Variants in CYP2C19 observed in about 807,000 individuals in gnomAD.
CYP2C19 encodes cytochrome P450 family 2 subfamily C member 19.
Under a neutral mutation model 40.9 loss-of-function variants are expected in CYP2C19, and 59 were observed. That is an observed-to-expected ratio of 1.44 (90% CI 1.17 to 1.79). The LOEUF (loss-of-function observed/expected upper bound fraction) is 1.79, where lower values mean the gene tolerates loss of function less well. Ranked by LOEUF, CYP2C19 falls within the 40% of genes most tolerant of loss-of-function variation. The pLI, the probability that CYP2C19 is intolerant of heterozygous loss-of-function variation, is 0.00. For synonymous variants in CYP2C19, 253 were observed against 208.7 expected (o/e 1.21, Z -1.83); for missense variants, 754 against 596.9 (o/e 1.26, Z -2.74).
At chr10:94,832,593 G>T (rs778298262) in intron 6 of CYP2C19, among the ~76,000 whole-genome samples, 10 of 152,088 alleles carry the variant, frequency 6.6e-5, no homozygotes, top group Non-Finnish European at 1.3e-4. Flanking sequence ...ATTGTTTCTG[G>T]ATTCACTATT....
intron 1 of CYP2C19, 139 bp downstream of exon 1, chr10:94,763,012 C>T: frequency 1.1e-6 from 1 of 872,434 alleles, no homozygotes; most frequent in East Asian, 2.6e-5. Context: ...GTTGCCTTTT[C>T]CAGTCTGTCA....
At chr10:94,815,594 T>C (rs1263773917) in intron 5 of CYP2C19, among the ~76,000 whole-genome samples, 2 of 152,248 alleles carry the variant, frequency 1.3e-5, no homozygotes, top group Non-Finnish European at 2.9e-5. Context: ...TTACTCTCTC[T>C]TTTATTCCCT....
At chr10:94,796,225 AGT>A (rs1848684438) in intron 5 of CYP2C19, among the ~76,000 whole-genome samples, 2 of 152,260 alleles carry the variant, frequency 1.3e-5, no homozygotes, top group South Asian at 2.1e-4. Context: ...ATGGCTAGCC[AGT>A]TTTCCCAGCA....
In CYP2C19 at chr10:94,854,468, T is replaced by C. The variant is rs1348313138; in HGVS notation, c.*1554T>C. 1.3e-5 allele frequency among the ~76,000 whole-genome samples: 2 copies of C among 152,122 alleles called. No individual in the cohort carries two copies. The highest frequency in any genetic ancestry group is 3.9e-4 in the East Asian group (2 of 5,172). ...CATCTCCAAAGCATAGACAACTAAGTATCTTATGTTAAATTATGTTCACCA... is the reference window on the plus strand; with the variant it reads ...CATCTCCAAAGCATAGACAACTAAGCATCTTATGTTAAATTATGTTCACCA... On this transcript the variant is annotated 3_prime_UTR_variant, in exon 9 of 9. Coordinates refer to ENST00000371321, the MANE Select transcript of CYP2C19 (RefSeq NM_000769.4).
chr10:94,784,146 A>G (rs974611710), intron 5 of CYP2C19, among the ~76,000 whole-genome samples: 1 of 152,190 alleles, frequency 6.6e-6, no homozygotes, highest in Non-Finnish European at 1.5e-5. Flanking sequence ...TAAAGAATTC[A>G]TAGCATATGC....
chr10:94,833,365 C>T (rs953934501), intron 6 of CYP2C19, among the ~76,000 whole-genome samples: 2 of 152,078 alleles, frequency 1.3e-5, no homozygotes, highest in East Asian at 1.9e-4. Context: ...TTTCAGTTTT[C>T]CCCACTCAGT....
At chr10:94,799,158 G>A (rs1848730640) in intron 5 of CYP2C19, among the ~76,000 whole-genome samples, 2 of 151,844 alleles carry the variant, frequency 1.3e-5, no homozygotes, top group South Asian at 4.1e-4. Flanking sequence ...TCCTTTCCAT[G>A]TTTAGTGCTT....
At chr10:94,828,621 T>C (rs1407238694) in intron 6 of CYP2C19, among the ~76,000 whole-genome samples, 15 of 149,498 alleles carry the variant, frequency 1.0e-4, no homozygotes, top group Non-Finnish European at 3.0e-5. Context: ...TTATCCAATT[T>C]GCAAGTCTGT....
Position 94,780,516 on chromosome 10 carries a change from A to G in CYP2C19, c.499A>G (p.Thr167Ala), listed in dbSNP as rs1848465272. 6.2e-7 allele frequency: 1 copy of G among 1,613,650 alleles called. No homozygotes were observed. Among genetic ancestry groups the G allele is most frequent in the African/African-American group, 1.3e-5 (1 of 75,038 alleles). The change falls in exon 4 of 9, where the codon ACT (threonine) becomes GCT (alanine). Residue 167 changes from threonine to alanine, a missense_variant. Physicochemically the swap from Thr to Ala is moderately conservative, Grantham distance 58 (BLOSUM62 0). Coordinates refer to ENST00000371321, the MANE Select transcript of CYP2C19 (RefSeq NM_000769.4). Reference protein sequence around the residue: ...RKTKASPCDPTFILGCAPCNV... With the variant: ...RKTKASPCDPAFILGCAPCNV... ...TCATTTAGCTTCACCCTGTGATCCC[A>G]CTTTCATCCTGGGCTGTGCTCCCTG...
At chr10:94,803,727 G>T (rs1265670974) in intron 5 of CYP2C19, among the ~76,000 whole-genome samples, 1 of 152,196 alleles carries the variant, frequency 6.6e-6, no homozygotes, top group Non-Finnish European at 1.5e-5. Flanking sequence ...GAGAGTTGGT[G>T]GTGGCCTAAA....
At chr10:94,842,530 G>C (rs902187482) in intron 6 of CYP2C19, among the ~76,000 whole-genome samples, 39 of 148,322 alleles carry the variant, frequency 2.6e-4, no homozygotes, top group African/African-American at 9.7e-4. Flanking sequence ...CTGCCTTTTT[G>C]TTATTTGTTT....
intron 6 of CYP2C19, among the ~76,000 whole-genome samples, chr10:94,827,219 A>G (rs915328210): frequency 1.3e-5 from 2 of 151,950 alleles, no homozygotes; most frequent in African/African-American, 4.8e-5. Flanking sequence ...ATTGATTGGA[A>G]TAGTTTTAGA....
intron 6 of CYP2C19, among the ~76,000 whole-genome samples, chr10:94,842,393 G>GTT (rs57865512): frequency 0.023 from 1,967 of 86,850 alleles, 75 homozygotes; most frequent in East Asian, 0.068. Flanking sequence ...TTTAAGTGAA[G>GTT]TTTTTTTTTT....
intron 5 of CYP2C19, among the ~76,000 whole-genome samples, chr10:94,795,258 G>A (rs540921693): frequency 6.7e-6 from 1 of 149,456 alleles, no homozygotes; most frequent in Non-Finnish European, 1.5e-5. Context: ...ACGGTGTTTG[G>A]TTTTTTCTCC....
In CYP2C19 at chr10:94,820,620, A is replaced by G; in HGVS notation, c.944A>G (p.Lys315Arg). The G allele has an allele frequency of 6.2e-7, 1 of 1,614,190 alleles. No homozygotes were observed. The highest frequency in any genetic ancestry group is 8.5e-7 in the Non-Finnish European group (1 of 1,180,024). The change falls in exon 6 of 9, where the codon AAG (lysine) becomes AGG (arginine). Residue 315 changes from lysine to arginine, a missense_variant. Lys to Arg is a conservative substitution (Grantham distance 26, BLOSUM62 2). Coordinates refer to ENST00000371321, the MANE Select transcript of CYP2C19 (RefSeq NM_000769.4). Reference sequence around the variant, plus strand: ...AGATATGCTCTCCTTCTCCTGCTGAAGCACCCAGAGGTCACAGGTATGATC... The same window carrying G: ...AGATATGCTCTCCTTCTCCTGCTGAGGCACCCAGAGGTCACAGGTATGATC... Reference protein sequence around the residue: ...TLRYALLLLLKHPEVTAKVQE... With the variant: ...TLRYALLLLLRHPEVTAKVQE...
At position 94,849,743 on chromosome 10, in the gene CYP2C19, C is replaced by T. The variant is rs117899206; in HGVS notation, c.1150-174C>T. Among the ~76,000 whole-genome samples the T allele has an allele frequency of 6.7e-5, 10 of 149,932 alleles. No individual in the cohort carries two copies. In the East Asian group the frequency reaches 1.8e-3, roughly 27 times the overall value. ...ATTTTAGCAAGATTATTGTCACTGG[C>T]CTTAAGCTCATGCCTCTTATTACTT... On this transcript the variant is annotated intron_variant, in intron 7 of 8. Coordinates refer to ENST00000371321, the MANE Select transcript of CYP2C19 (RefSeq NM_000769.4).
At chr10:94,786,190 G>T (rs1172125367) in intron 5 of CYP2C19, among the ~76,000 whole-genome samples, 1 of 152,042 alleles carries the variant, frequency 6.6e-6, no homozygotes, top group Non-Finnish European at 1.5e-5. Context: ...AAACCTGAGG[G>T]TATATATCCC....
chr10:94,836,733 C>T lies in CYP2C19; in HGVS notation c.962-6104C>T, dbSNP rs113282054. 3.1e-3 allele frequency among the ~76,000 whole-genome samples: 475 copies of T among 152,338 alleles called. 3 individuals carry two copies. The highest frequency in any genetic ancestry group is 0.011 in the African/African-American group (452 of 41,570). On this transcript the variant is annotated intron_variant, in intron 6 of 8. Coordinates refer to ENST00000371321, the MANE Select transcript of CYP2C19 (RefSeq NM_000769.4). ...GATAATTTTAGCCCTAAGCATTTAA[C>T]CTGCTGTGAGCAGAGCTGAGCCTTT...
intron 5 of CYP2C19, among the ~76,000 whole-genome samples, chr10:94,797,526 A>T (rs919532231): frequency 7.9e-5 from 12 of 152,024 alleles, no homozygotes; most frequent in African/African-American, 2.7e-4. Flanking sequence ...GGAGGATTCC[A>T]TCTTTTTCTC....
Sources: allele counts gnomAD v4.1 joint callset (sites outside exome capture counted in the v4.1 genomes callset), GRCh38; gene constraint gnomAD v4.1.1; transcripts MANE v1.5; gene names NCBI Gene and HGNC (gene_info 2026-07-23, HGNC 2026-07-21).